CSMD1: variants seen among roughly 807,000 people sequenced by gnomAD.
The protein encoded by CSMD1 is CUB and sushi domain-containing protein 1.
In CSMD1, 213 loss-of-function variants were observed where a neutral mutation model predicts 417.5. That is an observed-to-expected ratio of 0.51 (90% CI 0.46 to 0.57). The LOEUF is 0.57. Ranked by LOEUF, CSMD1 falls within the 20% of genes least tolerant of loss-of-function variation. The pLI, the probability that CSMD1 is intolerant of heterozygous loss-of-function variation, is 0.00. For synonymous variants in CSMD1, 2,862 were observed against 1,736.8 expected, an observed-to-expected ratio of 1.65 and a Z score of -16.11; for missense variants, 6,923 against 4,529.7, an observed-to-expected ratio of 1.53 and a Z score of -15.17.
intron 14 of CSMD1, 65 bp from the exon 15 acceptor site, chr8:3,406,286 A>G (rs1812337181): frequency 3.0e-6 from 4 of 1,345,432 alleles, no homozygotes; most frequent in Middle Eastern, 3.7e-4. Flanking sequence ...TGTATTAAAA[A>G]AGAAGAAAAC....
intron 7 of CSMD1, among the ~76,000 whole-genome samples, chr8:3,670,766 G>C (rs1032921976): frequency 1.3e-5 from 2 of 150,342 alleles, no homozygotes; most frequent in Admixed American, 1.3e-4. Context: ...ATATGTATGG[G>C]ATATATAAGT....
chr8:4,009,630 T>C (rs996638634), intron 4 of CSMD1, among the ~76,000 whole-genome samples: 3 of 152,178 alleles, frequency 2.0e-5, no homozygotes, highest in South Asian at 4.1e-4. Flanking sequence ...AGGAAAGAAA[T>C]AAGAAATACA....
At chr8:4,241,021 A>C (rs1279069720) in intron 3 of CSMD1, among the ~76,000 whole-genome samples, 1 of 152,174 alleles carries the variant, frequency 6.6e-6, no homozygotes, top group Non-Finnish European at 1.5e-5. Context: ...CATCTGACTG[A>C]CTAGTGTTAT....
chr8:3,855,186 G>C (rs780026453), intron 5 of CSMD1, among the ~76,000 whole-genome samples: 1 of 152,066 alleles, frequency 6.6e-6, no homozygotes, highest in African/African-American at 2.4e-5. Flanking sequence ...ATATAACAAA[G>C]ATGTATTATT....
At chr8:4,120,234 C>T (rs375659911) in intron 3 of CSMD1, among the ~76,000 whole-genome samples, 7 of 152,208 alleles carry the variant, frequency 4.6e-5, no homozygotes, top group African/African-American at 7.2e-5. Flanking sequence ...GGCTGACAGC[C>T]ATGACTCCTG....
At chr8:4,053,983 A>T (rs929675116) in intron 3 of CSMD1, among the ~76,000 whole-genome samples, 1 of 152,206 alleles carries the variant, frequency 6.6e-6, no homozygotes, top group African/African-American at 2.4e-5. Flanking sequence ...TATATAAGGA[A>T]GTTAAGAACC....
At chr8:4,644,885 G>T (rs1024991156) in intron 1 of CSMD1, among the ~76,000 whole-genome samples, 1 of 152,172 alleles carries the variant, frequency 6.6e-6, no homozygotes, top group African/African-American at 2.4e-5. Context: ...ACATTCAATT[G>T]TTGAAGCCTG....
intron 3 of CSMD1, among the ~76,000 whole-genome samples, chr8:4,306,979 T>A (rs2128876690): frequency 6.6e-6 from 1 of 152,290 alleles, no homozygotes; most frequent in African/African-American, 2.4e-5. Flanking sequence ...ATCGACTGTC[T>A]TTTCCCATCT....
At chr8:4,191,749 A>AG (rs1799045248) in intron 3 of CSMD1, among the ~76,000 whole-genome samples, 1 of 151,636 alleles carries the variant, frequency 6.6e-6, no homozygotes, top group African/African-American at 2.4e-5. Context: ...CATTCCAAAA[A>AG]AAAAAAAAAA....
chr8:4,434,993 A>C (rs1012820924), intron 2 of CSMD1, among the ~76,000 whole-genome samples: 1 of 152,330 alleles, frequency 6.6e-6, no homozygotes, highest in African/African-American at 2.4e-5. Context: ...CATATTTTGC[A>C]TACTTTTGTC....
chr8:3,271,133 G>A (rs1387727012), intron 26 of CSMD1, among the ~76,000 whole-genome samples: 1 of 134,134 alleles, frequency 7.5e-6, no homozygotes, highest in Admixed American at 9.3e-5. Flanking sequence ...CTGTGTTCAC[G>A]TGTTCTCATT....
chr8:4,559,660 A>T (rs1275069019), intron 2 of CSMD1, among the ~76,000 whole-genome samples: 3 of 152,252 alleles, frequency 2.0e-5, no homozygotes, highest in Non-Finnish European at 4.4e-5. Context: ...ATTCATATTT[A>T]TGTAACCTAT....
At chr8:3,469,665 A>G (rs1343299325) in intron 11 of CSMD1, among the ~76,000 whole-genome samples, 1 of 152,244 alleles carries the variant, frequency 6.6e-6, no homozygotes, top group East Asian at 1.9e-4. Flanking sequence ...GACTTTCAGC[A>G]AAGTAGTTTC....
intron 3 of CSMD1, among the ~76,000 whole-genome samples, chr8:4,081,484 C>T (rs566113535): frequency 5.3e-5 from 8 of 152,266 alleles, no homozygotes; most frequent in African/African-American, 1.9e-4. Flanking sequence ...TAAATTAGCC[C>T]TACAGGGAGG....
chr8:3,674,251 A>G (rs993603658), intron 7 of CSMD1, among the ~76,000 whole-genome samples: 1 of 152,212 alleles, frequency 6.6e-6, no homozygotes, highest in African/African-American at 2.4e-5. Flanking sequence ...TCATTTTGTT[A>G]GTTGACTGTA....
intron 1 of CSMD1, among the ~76,000 whole-genome samples, chr8:4,797,905 A>G (rs1489770081): frequency 2.0e-5 from 3 of 152,208 alleles, no homozygotes; most frequent in Admixed American, 1.3e-4. Flanking sequence ...ATAAAATTCC[A>G]CAGAAGGGCA....
At chr8:3,516,296 G>T (rs542424486) in intron 10 of CSMD1, among the ~76,000 whole-genome samples, 2 of 152,226 alleles carry the variant, frequency 1.3e-5, no homozygotes, top group South Asian at 4.2e-4. Flanking sequence ...CTAAGTTCTG[G>T]GATTATAAAG....
intron 25 of CSMD1, among the ~76,000 whole-genome samples, chr8:3,287,749 C>A (rs911794734): frequency 1.1e-4 from 17 of 152,212 alleles, no homozygotes; most frequent in Middle Eastern, 6.8e-3. Context: ...CATCTGCCAA[C>A]AGGGACAATT....
At chr8:4,966,101 C>T (rs554170389) in intron 1 of CSMD1, among the ~76,000 whole-genome samples, 1 of 151,148 alleles carries the variant, frequency 6.6e-6, no homozygotes, top group East Asian at 2.0e-4. Flanking sequence ...TGATGGCTCA[C>T]TTCTGTAATC....
Sources: allele counts gnomAD v4.1 joint callset (sites outside exome capture counted in the v4.1 genomes callset), GRCh38; gene constraint gnomAD v4.1.1; transcripts MANE v1.5; gene names NCBI Gene and HGNC (gene_info 2026-07-23, HGNC 2026-07-21).